The following EML5 variants were observed in gnomAD, a reference collection of about 807,000 sequenced individuals.
The protein encoded by EML5 is EMAP like 5, also known as echinoderm microtubule-associated protein-like 5.
In EML5, 120 loss-of-function variants were observed where a neutral mutation model predicts 250.0. The ratio of observed to expected loss-of-function variants is 0.48; its 90% CI spans 0.41 to 0.56. EML5 has a LOEUF of 0.56. Ranked by LOEUF, EML5 falls within the 20% of genes least tolerant of loss-of-function variation. The pLI is 0.00. For synonymous variants in EML5, 771 were observed against 806.5 expected, an observed-to-expected ratio of 0.96 and a Z score of 0.75; for missense variants, 2,006 against 2,437.6, an observed-to-expected ratio of 0.82 and a Z score of 3.73.
chr14:88,714,745 G>A (rs577953209), intron 9 of EML5, among the ~76,000 whole-genome samples, 194 bp downstream of exon 9: 8 of 152,150 alleles, frequency 5.3e-5, no homozygotes, highest in Non-Finnish European at 1.2e-4. Flanking sequence ...CAGCCTTATT[G>A]TATTATATTG....
chr14:88,738,174 A>G (rs1413628954), intron 6 of EML5, among the ~76,000 whole-genome samples: 1 of 152,182 alleles, frequency 6.6e-6, no homozygotes, highest in Non-Finnish European at 1.5e-5. Context: ...ATACCAATTA[A>G]CATTTACATG....
intron 36 of EML5, chr14:88,624,452 T>C (rs1023134196): frequency 6.5e-6 from 1 of 152,910 alleles, no homozygotes; most frequent in East Asian, 1.9e-4. Flanking sequence ...TGTTGGGAGA[T>C]TTGAAAATCA....
intron 27 of EML5, among the ~76,000 whole-genome samples, chr14:88,650,816 A>AT (rs1023744293): frequency 2.6e-5 from 4 of 151,804 alleles, no homozygotes; most frequent in African/African-American, 9.7e-5. Context: ...TAATTTTTCT[A>AT]TTTTTTGTAG....
In EML5 at chr14:88,649,910, A is replaced by G; in HGVS notation, c.4019+2T>C. On this transcript the variant is annotated splice_donor_variant, in intron 28 of 43. Coordinates refer to ENST00000554922, the MANE Select transcript of EML5 (RefSeq NM_183387.3). LOFTEE classifies it high-confidence loss of function. Reference sequence around the variant, plus strand: ...AAATATTTTCTTTTATAAAACACTTACCTTACTACTCCCTGCCTTCAAAAG... The same window carrying G: ...AAATATTTTCTTTTATAAAACACTTGCCTTACTACTCCCTGCCTTCAAAAG... 1 of 1,494,150 alleles carries G rather than the reference A, an allele frequency of 6.7e-7. No homozygotes were observed. Among genetic ancestry groups the G allele is most frequent in the Non-Finnish European group, 8.9e-7 (1 of 1,122,926 alleles). The allele number at this position is 1,494,150 out of a possible 1,614,324, so 92.6% of individuals were successfully genotyped here.
At chr14:88,619,629 TTAAC>T (rs1405875993) in intron 39 of EML5, 1 of 152,272 alleles carries the variant, frequency 6.6e-6, no homozygotes, top group East Asian at 1.9e-4. Context: ...ACAGCCCAGC[TTAAC>T]TAACCTCCAG....
intron 10 of EML5, among the ~76,000 whole-genome samples, chr14:88,709,447 C>T (rs1448345843): frequency 6.6e-6 from 1 of 151,754 alleles, no homozygotes; most frequent in Non-Finnish European, 1.5e-5. Context: ...GAGATATGAA[C>T]CCATGTTTGA....
At chr14:88,674,732 C>G (rs1309051394) in intron 21 of EML5, among the ~76,000 whole-genome samples, 1 of 152,190 alleles carries the variant, frequency 6.6e-6, no homozygotes, top group African/African-American at 2.4e-5. Flanking sequence ...CAAAAGTCCA[C>G]AGTCTAACAT....
chr14:88,632,022 A>G (rs879297846), intron 33 of EML5, among the ~76,000 whole-genome samples: 4 of 152,170 alleles, frequency 2.6e-5, no homozygotes, highest in African/African-American at 9.7e-5. Context: ...CAGTCTTCTT[A>G]TATTTGTACA....
chr14:88,633,207 T>G (rs569060245), intron 33 of EML5, among the ~76,000 whole-genome samples: 1 of 152,204 alleles, frequency 6.6e-6, no homozygotes, highest in Non-Finnish European at 1.5e-5. Context: ...TTTGTTTTAT[T>G]GCCATCATCT....
At chr14:88,732,930 G>T (rs1321354006) in intron 7 of EML5, among the ~76,000 whole-genome samples, 1 of 152,118 alleles carries the variant, frequency 6.6e-6, no homozygotes, top group Non-Finnish European at 1.5e-5. Flanking sequence ...ATTAAACACT[G>T]AATGGATTTG....
intron 41 of EML5, chr14:88,617,689 ACTT>A (rs1210936920): frequency 6.6e-6 from 1 of 152,276 alleles, no homozygotes; most frequent in African/African-American, 2.4e-5. Flanking sequence ...TGGTATCAAA[ACTT>A]CTAGGCTCAA....
Position 88,663,103 on chromosome 14 carries a change from G to T in EML5, c.3426C>A (p.Val1142=). 1 of 1,546,140 alleles carries T rather than the reference G, an allele frequency of 6.5e-7. No homozygotes were observed. Among genetic ancestry groups the T allele is most frequent in the Non-Finnish European group, 8.7e-7 (1 of 1,144,836 alleles). The change falls in exon 24 of 44, where the codon GTC becomes GTA. Residue 1142 remains valine, a synonymous_variant. Coordinates refer to ENST00000554922, the MANE Select transcript of EML5 (RefSeq NM_183387.3). ...DWDIRGKLLQ[V]NTGAKEQLFF... The stretch of plus-strand genomic sequence containing the variant: ...ATAATTGTTCCTTAGCACCAGTGTT[G>T]ACCTGTAAAAGCTTTCCTTCAAAAA...
chr14:88,627,441 T>C (rs1055864406), intron 34 of EML5: 1 of 529,008 alleles, frequency 1.9e-6, no homozygotes, highest in African/African-American at 1.9e-5. Flanking sequence ...AATGGTTTCA[T>C]TAATTTATCT....
rs1162163139 is a variant in EML5 at position 88,641,885 on chromosome 14, T to C, written c.4237+1008A>G. Among the ~76,000 whole-genome samples the C allele has an allele frequency of 2.6e-5, 4 of 152,198 alleles. 1 individual carries two copies. Among genetic ancestry groups the C allele is most frequent in the South Asian group, 4.1e-4 (2 of 4,830 alleles). On this transcript the variant is annotated intron_variant, in intron 31 of 43. Coordinates refer to ENST00000554922, the MANE Select transcript of EML5 (RefSeq NM_183387.3). ...AAGTATAAACATGAGAGTTTACACATACATTCCTTTCTTGTTTATCTTACT... is the reference window on the plus strand; with the variant it reads ...AAGTATAAACATGAGAGTTTACACACACATTCCTTTCTTGTTTATCTTACT...
intron 21 of EML5, among the ~76,000 whole-genome samples, chr14:88,672,485 G>C (rs1314681839): frequency 1.3e-5 from 2 of 151,936 alleles, no homozygotes; most frequent in African/African-American, 4.8e-5. Context: ...ACAACTAAAA[G>C]AACTAGAGAA....
intron 37 of EML5, chr14:88,621,641 A>C: frequency 3.2e-6 from 1 of 315,388 alleles, no homozygotes; most frequent in Non-Finnish European, 6.1e-6. Flanking sequence ...AAAATAATAG[A>C]ATTTATTTTT....
chr14:88,696,480 A>T (rs1408247197), intron 15 of EML5, among the ~76,000 whole-genome samples: 1 of 152,114 alleles, frequency 6.6e-6, no homozygotes, highest in Non-Finnish European at 1.5e-5. Context: ...TTTTACCCTA[A>T]ACATTTTCAA....
chr14:88,734,790 G>A (rs1194739552), intron 7 of EML5, among the ~76,000 whole-genome samples: 1 of 152,038 alleles, frequency 6.6e-6, no homozygotes, highest in Non-Finnish European at 1.5e-5. Context: ...AATACACTAT[G>A]GGTATGCAAT....
At chr14:88,775,865 G>A (rs1057417116) in intron 1 of EML5, among the ~76,000 whole-genome samples, 4 of 152,208 alleles carry the variant, frequency 2.6e-5, no homozygotes, top group African/African-American at 4.8e-5. Context: ...GGTGGCCACA[G>A]GGTGATTATG....
Sources: gnomAD v4.1 joint callset for allele counts (sites outside exome capture counted in the v4.1 genomes callset) on GRCh38, gnomAD v4.1.1 for gene constraint, MANE v1.5 for transcripts, NCBI Gene and HGNC (gene_info 2026-07-23, HGNC 2026-07-21) for gene names.